RBM25: variants seen among roughly 807,000 people sequenced by gnomAD.
The protein encoded by RBM25 is RNA binding motif protein 25.
Under a neutral mutation model 120.7 loss-of-function variants are expected in RBM25, and 19 were observed. The observed-to-expected ratio is 0.16, with a 90% CI of 0.11 to 0.23. The LOEUF is 0.23. Ranked by LOEUF, RBM25 falls within the 10% of genes least tolerant of loss-of-function variation. The pLI, the probability that RBM25 is intolerant of heterozygous loss-of-function variation, is 1.00. For synonymous variants in RBM25, 390 were observed against 326.7 expected, an observed-to-expected ratio of 1.19 and a Z score of -2.09; for missense variants, 605 against 1,041.5, an observed-to-expected ratio of 0.58 and a Z score of 5.77.
At position 73,105,991 on chromosome 14, in the gene RBM25, A is replaced by G; in HGVS notation, c.1287A>G (p.Lys429=). 6.2e-7 allele frequency: 1 copy of G among 1,614,058 alleles called. No homozygotes were observed. Among genetic ancestry groups the G allele is most frequent in the African/African-American group, 1.3e-5 (1 of 75,014 alleles). The change falls in exon 11 of 19, where the codon AAA becomes AAG. Residue 429 remains lysine (K), a synonymous_variant. Transcript: ENST00000261973. ...GGGAGCGAGAAAGAGAAAAAGACAA[A>G]AAACGGGACCGAGAAGAAGATGAAG... ...REREREREKD[K]KRDREEDEED...
chr14:73,074,047 T>G (rs1895354707), intron 2 of RBM25, among the ~76,000 whole-genome samples: 2 of 152,122 alleles, frequency 1.3e-5, no homozygotes, highest in Non-Finnish European at 2.9e-5. Context: ...ATTGAGAAAA[T>G]GTTGCAGAAA....
intron 12 of RBM25, chr14:73,107,547 C>T: frequency 3.2e-6 from 1 of 308,442 alleles, no homozygotes; most frequent in Non-Finnish European, 5.9e-6. Context: ...AATAAAAACA[C>T]CGTTTCCCAG....
chr14:73,105,038 T>TACACACACGCACACAC (rs1896150494), intron 10 of RBM25, among the ~76,000 whole-genome samples: 1 of 141,146 alleles, frequency 7.1e-6, no homozygotes, highest in Non-Finnish European at 1.5e-5. Context: ...ACATATTAAA[T>TACACACACGCACACAC]ACACACACAC....
intron 10 of RBM25, among the ~76,000 whole-genome samples, chr14:73,103,928 TCTCTCTCTCTCTCTCTCTCTCACA>T (rs1405205263): frequency 8.3e-4 from 55 of 66,394 alleles, no homozygotes; most frequent in African/African-American, 3.6e-3. Context: ...TCTCTCTCTC[TCTCTCTCTCTCTCTCTCTCTCACA>T]CACACACACA....
chr14:73,069,390 G>A (rs925977246), intron 1 of RBM25, among the ~76,000 whole-genome samples: 2 of 152,098 alleles, frequency 1.3e-5, no homozygotes, highest in African/African-American at 2.4e-5. Flanking sequence ...AACTTTTTAT[G>A]TTTTCTCTTT....
At chr14:73,088,672 C>A (rs1314218304) in intron 6 of RBM25, among the ~76,000 whole-genome samples, 1 of 152,178 alleles carries the variant, frequency 6.6e-6, no homozygotes, top group Non-Finnish European at 1.5e-5. Flanking sequence ...ACCTCCTCAG[C>A]AAAGTGAAAC....
rs541989841 is a variant in RBM25 at position 73,078,882 on chromosome 14, G to A, written c.324+1346G>A. ...GCTTTCCAAAGTGTTGAGATTACAC[G>A]CGTGGGCCACCACACCTGGCTAGGG... On this transcript the variant is annotated intron_variant, in intron 4 of 18. Transcript: ENST00000261973. Among the ~76,000 whole-genome samples the A allele has an allele frequency of 4.6e-5, 7 of 152,220 alleles. No homozygotes were observed. The East Asian group carries it at 9.6e-4, about 21-fold the overall frequency.
At chr14:73,077,179 T>G (rs758620957) in intron 3 of RBM25, among the ~76,000 whole-genome samples, 190 bp from the exon 4 acceptor site, 2 of 152,264 alleles carry the variant, frequency 1.3e-5, no homozygotes, top group Non-Finnish European at 2.9e-5. Flanking sequence ...AGTAGAAGTT[T>G]ACTTGTCACA....
intron 1 of RBM25, among the ~76,000 whole-genome samples, chr14:73,061,655 A>G (rs1160166292): frequency 6.6e-6 from 1 of 150,904 alleles, no homozygotes; most frequent in Non-Finnish European, 1.5e-5. Context: ...CAACTTCCGC[A>G]TTTCAGGCTT....
At chr14:73,115,991 G>A (rs183377187) in intron 18 of RBM25, among the ~76,000 whole-genome samples, 1 of 152,090 alleles carries the variant, frequency 6.6e-6, no homozygotes, top group African/African-American at 2.4e-5. Context: ...TCATTTAAGT[G>A]GGGGGAAAGA....
chr14:73,086,411 C>T (rs1895686401), intron 5 of RBM25, among the ~76,000 whole-genome samples: 1 of 150,800 alleles, frequency 6.6e-6, no homozygotes, highest in South Asian at 2.1e-4. Flanking sequence ...ACACTCCAGC[C>T]TGGTGACAGC....
At chr14:73,106,106 C>G (rs1203187853) in intron 11 of RBM25, 25 bp downstream of exon 11, 3 of 1,597,000 alleles carry the variant, frequency 1.9e-6, no homozygotes, top group Non-Finnish European at 2.6e-6. Flanking sequence ...TGCCTTTATT[C>G]TTAAATCTTG....
At chr14:73,070,459 A>G (rs1388398617) in intron 1 of RBM25, among the ~76,000 whole-genome samples, 2 of 151,894 alleles carry the variant, frequency 1.3e-5, no homozygotes, top group South Asian at 4.2e-4. Flanking sequence ...AAAAACTATG[A>G]CTTTTTTTTC....
At chr14:73,070,399 T>G (rs1895256266) in intron 1 of RBM25, among the ~76,000 whole-genome samples, 1 of 151,600 alleles carries the variant, frequency 6.6e-6, no homozygotes, top group Admixed American at 6.6e-5. Context: ...TTCTGATTCT[T>G]CAGTTTTGAT....
chr14:73,059,389 C>G (rs1894946157), intron 1 of RBM25: 1 of 152,202 alleles, frequency 6.6e-6, no homozygotes, highest in African/African-American at 2.4e-5. Flanking sequence ...TAGGCGATTA[C>G]TAAGCTCCAC....
chr14:73,097,184 CTT>C, intron 7 of RBM25, 84 bp downstream of exon 7: 1 of 187,664 alleles, frequency 5.3e-6, no homozygotes, highest in Non-Finnish European at 7.4e-6. Context: ...TGTCAGTTTT[CTT>C]TTTTCTTTTC....
intron 1 of RBM25, among the ~76,000 whole-genome samples, chr14:73,069,545 TG>T (rs776402316): frequency 1.3e-5 from 2 of 151,928 alleles, no homozygotes; most frequent in Non-Finnish European, 2.9e-5. Context: ...GCGATTCTCC[TG>T]CCTAAGCCTC....
chr14:73,119,962 G>A lies in RBM25; in HGVS notation c.*157G>A, dbSNP rs1347740558. 18 of 1,097,066 alleles carry A rather than the reference G, an allele frequency of 1.6e-5. No individual in the cohort carries two copies. Among genetic ancestry groups the A allele is most frequent in the Non-Finnish European group, 2.2e-5 (18 of 815,020 alleles). 68.0% of individuals were successfully genotyped at this position (1,097,066 alleles called of 1,614,324 possible). Reference sequence around the variant, plus strand: ...TGGTCCTCTAATTTGTTGTTGCCCTGTGTACTCCCTTGGTTGTAAAGTCAT... The same window carrying A: ...TGGTCCTCTAATTTGTTGTTGCCCTATGTACTCCCTTGGTTGTAAAGTCAT... On this transcript the variant is annotated 3_prime_UTR_variant, in exon 19 of 19. Coordinates refer to ENST00000261973, the MANE Select transcript of RBM25 (RefSeq NM_021239.3).
chr14:73,104,412 A>G (rs1419249611), intron 10 of RBM25, among the ~76,000 whole-genome samples: 1 of 150,386 alleles, frequency 6.6e-6, no homozygotes, highest in Admixed American at 6.6e-5. Flanking sequence ...TCTGTTGCCC[A>G]AGTTGGAGTG....
Sources: gnomAD v4.1 joint callset for allele counts (sites outside exome capture counted in the v4.1 genomes callset) on GRCh38, gnomAD v4.1.1 for gene constraint, MANE v1.5 for transcripts, NCBI Gene and HGNC (gene_info 2026-07-23, HGNC 2026-07-21) for gene names.